Variants in TANGO6 observed in about 807,000 individuals in gnomAD.
TANGO6 encodes the protein transport and golgi organization 6 homolog.
TANGO6 carries 90 observed loss-of-function variants against 114.2 expected under a neutral mutation model. That is an observed-to-expected ratio of 0.79 (90% confidence interval 0.66 to 0.94). The LOEUF (loss-of-function observed/expected upper bound fraction) is 0.94. TANGO6 is among the 40% of genes least tolerant of loss of function. TANGO6 has a pLI of 0.00. For synonymous variants in TANGO6, 477 were observed against 509.8 expected (o/e 0.94, Z 0.87); for missense variants, 1,274 against 1,315.3 (o/e 0.97, Z 0.49).
intron 14 of TANGO6, among the ~76,000 whole-genome samples, chr16:68,948,006 T>C (rs1199421628): frequency 1.3e-5 from 2 of 151,282 alleles, no homozygotes; most frequent in Non-Finnish European, 1.5e-5. Flanking sequence ...TTGTACCTTA[T>C]CTTACTACAG....
chr16:68,866,263 A>G (rs1962175949), intron 3 of TANGO6, among the ~76,000 whole-genome samples: 1 of 151,466 alleles, frequency 6.6e-6, no homozygotes, highest in East Asian at 1.9e-4. Context: ...TTTTTTAAGG[A>G]AAAAATGTTG....
chr16:69,083,987 A>C lies in TANGO6; in HGVS notation c.*326A>C, dbSNP rs190613785. ...TTAACATGACTGATGGAATTTCACT[A>C]ATTGCCCACTCTCTTGGAACTTGAG... On this transcript the variant is annotated 3_prime_UTR_variant, in exon 18 of 18. Transcript: ENST00000261778. The C allele has an allele frequency of 1.0e-4, 19 of 187,454 alleles. No homozygotes were observed. In the East Asian group the frequency reaches 2.1e-3, roughly 21 times the overall value. 11.6% of individuals were successfully genotyped at this position (187,454 alleles called of 1,614,324 possible).
chr16:68,980,435 A>ATATATTT (rs1317961639), intron 15 of TANGO6, among the ~76,000 whole-genome samples: 6 of 61,778 alleles, frequency 9.7e-5, no homozygotes, highest in East Asian at 4.6e-4. Flanking sequence ...ATATATATAT[A>ATATATTT]TTTTTTTTTT....
intron 14 of TANGO6, among the ~76,000 whole-genome samples, chr16:68,965,508 A>G (rs907308643): frequency 2.6e-5 from 4 of 152,122 alleles, no homozygotes; most frequent in Non-Finnish European, 5.9e-5. Context: ...TTTCTCTTCT[A>G]TTTTAAAAAC....
chr16:68,945,604 C>T (rs1195335345), intron 14 of TANGO6, among the ~76,000 whole-genome samples: 1 of 151,972 alleles, frequency 6.6e-6, no homozygotes, highest in Admixed American at 6.6e-5. Context: ...GCACTTCACT[C>T]ATGACTAGTG....
intron 15 of TANGO6, among the ~76,000 whole-genome samples, chr16:69,003,140 A>C (rs1473104364): frequency 1.3e-5 from 2 of 152,092 alleles, no homozygotes; most frequent in African/African-American, 4.8e-5. Flanking sequence ...CCCCCCTCAA[A>C]GGTATTTTTC....
chr16:69,077,308 A>G (rs1960396633), intron 17 of TANGO6, among the ~76,000 whole-genome samples: 1 of 151,994 alleles, frequency 6.6e-6, no homozygotes, highest in Non-Finnish European at 1.5e-5. Flanking sequence ...TCATTAGACC[A>G]AGCAAACCTG....
intron 1 of TANGO6, among the ~76,000 whole-genome samples, chr16:68,858,495 T>C (rs1962036346): frequency 6.6e-6 from 1 of 152,166 alleles, no homozygotes; most frequent in Non-Finnish European, 1.5e-5. Flanking sequence ...TATTGTTTGG[T>C]TTTTGGCATA....
chr16:68,925,840 G>A (rs191571874), intron 12 of TANGO6, among the ~76,000 whole-genome samples: 1 of 147,330 alleles, frequency 6.8e-6, no homozygotes, highest in East Asian at 2.0e-4. Flanking sequence ...CATGCCAGTT[G>A]TTCCAGCACC....
intron 7 of TANGO6, among the ~76,000 whole-genome samples, chr16:68,894,995 A>T (rs1962685190): frequency 6.6e-6 from 1 of 152,124 alleles, no homozygotes; most frequent in South Asian, 2.1e-4. Flanking sequence ...GCCCTTTGCT[A>T]ACAATGTGTC....
At chr16:68,892,707 G>A (rs1962642504) in intron 7 of TANGO6, among the ~76,000 whole-genome samples, 1 of 151,968 alleles carries the variant, frequency 6.6e-6, no homozygotes, top group Non-Finnish European at 1.5e-5. Flanking sequence ...GTAGAGACAG[G>A]GTTTCACCAT....
At chr16:68,877,467 CA>C (rs35716789) in intron 5 of TANGO6, among the ~76,000 whole-genome samples, 32,762 of 85,676 alleles carry the variant, frequency 0.38, 4,334 homozygotes, top group African/African-American at 0.54. Context: ...GACTCCATCT[CA>C]AAAAAAAAAA....
chr16:69,076,531 G>A (rs56391098), intron 17 of TANGO6, among the ~76,000 whole-genome samples: 13,418 of 152,236 alleles, frequency 0.088, 669 homozygotes, highest in South Asian at 0.18. Context: ...AAACAAGGAA[G>A]TGAATGAGTA....
intron 11 of TANGO6, among the ~76,000 whole-genome samples, 170 bp from the exon 12 acceptor site, chr16:68,918,915 A>T (rs954074313): frequency 2.0e-5 from 3 of 149,298 alleles, no homozygotes; most frequent in South Asian, 2.1e-4. Flanking sequence ...GTAAATGTTT[A>T]AAAAAAAAAC....
chr16:68,863,948 G>A (rs1962138802), intron 3 of TANGO6, among the ~76,000 whole-genome samples: 1 of 152,162 alleles, frequency 6.6e-6, no homozygotes. Flanking sequence ...GCCAAGGTGG[G>A]TGGATCACCT....
intron 7 of TANGO6, among the ~76,000 whole-genome samples, chr16:68,891,121 A>G (rs765541101): frequency 9.9e-5 from 15 of 151,008 alleles, no homozygotes; most frequent in Admixed American, 4.0e-4. Flanking sequence ...GTGAAACCCC[A>G]TCTCTACTAA....
At chr16:69,054,421 A>G (rs954181254) in intron 17 of TANGO6, among the ~76,000 whole-genome samples, 3 of 152,196 alleles carry the variant, frequency 2.0e-5, no homozygotes, top group Non-Finnish European at 4.4e-5. Flanking sequence ...GCATGGTGCC[A>G]TCAACTCCTG....
intron 17 of TANGO6, among the ~76,000 whole-genome samples, chr16:69,049,512 A>G (rs1357584876): frequency 1.3e-5 from 2 of 151,340 alleles, no homozygotes; most frequent in East Asian, 3.9e-4. Flanking sequence ...TCTCACTGCA[A>G]CCTCTGCCTC....
At chr16:68,943,816 G>A (rs1963384600) in intron 14 of TANGO6, among the ~76,000 whole-genome samples, 1 of 152,108 alleles carries the variant, frequency 6.6e-6, no homozygotes, top group African/African-American at 2.4e-5. Context: ...CAGCACGAAG[G>A]TCAAAATAAT....
Sources: gnomAD v4.1 joint callset for allele counts (sites outside exome capture counted in the v4.1 genomes callset) on GRCh38, gnomAD v4.1.1 for gene constraint, MANE v1.5 for transcripts, NCBI Gene and HGNC (gene_info 2026-07-23, HGNC 2026-07-21) for gene names.